Variants in SERPINB5 observed in about 807,000 individuals in gnomAD.
The protein encoded by SERPINB5 is serpin family B member 5, also known as serpin B5.
A neutral mutation model predicts 32.2 loss-of-function variants in SERPINB5; 27 were observed. That is an observed-to-expected ratio of 0.84 (90% CI 0.62 to 1.16). SERPINB5 has a LOEUF of 1.16. SERPINB5 is among the 50% of genes most tolerant of loss of function. The pLI, the probability that SERPINB5 is intolerant of heterozygous loss-of-function variation, is 0.00. For synonymous variants in SERPINB5, 154 were observed against 157.4 expected, an observed-to-expected ratio of 0.98 and a Z score of 0.16; for missense variants, 388 against 436.3, an observed-to-expected ratio of 0.89 and a Z score of 0.99.
At chr18:63,484,692 C>T in intron 2 of SERPINB5, 96 bp downstream of exon 2, 1 of 1,062,662 alleles carries the variant, frequency 9.4e-7, no homozygotes, top group Non-Finnish European at 1.3e-6. Context: ...GACTTTGTGG[C>T]CAGAATTGGT....
intron 1 of SERPINB5, among the ~76,000 whole-genome samples, chr18:63,477,798 A>G (rs938045617): frequency 6.6e-6 from 1 of 152,188 alleles, no homozygotes; most frequent in African/African-American, 2.4e-5. Flanking sequence ...AGGCTATTCC[A>G]GAGACTTGTA....
At chr18:63,493,278 C>G (rs1191449519) in intron 5 of SERPINB5, 183 bp downstream of exon 5, 1 of 715,502 alleles carries the variant, frequency 1.4e-6, no homozygotes, top group Non-Finnish European at 2.4e-6. Flanking sequence ...CAGAGGCCCC[C>G]CCTCCTCTTT....
chr18:63,488,080 A>C (rs891344417), intron 3 of SERPINB5, among the ~76,000 whole-genome samples: 2 of 152,050 alleles, frequency 1.3e-5, no homozygotes, highest in Admixed American at 6.6e-5. Context: ...AAGCTCCCTA[A>C]ATGATCATTA....
At chr18:63,496,889 A>G (rs187851889) in intron 5 of SERPINB5, 2 of 317,174 alleles carry the variant, frequency 6.3e-6, no homozygotes, top group Admixed American at 4.2e-5. Context: ...AGGCCTGGGC[A>G]GTGCTTGGAC....
intron 1 of SERPINB5, among the ~76,000 whole-genome samples, chr18:63,479,444 C>T (rs1249493254): frequency 6.6e-6 from 1 of 152,182 alleles, no homozygotes; most frequent in East Asian, 1.9e-4. Flanking sequence ...CCAGTACATG[C>T]GTCTCCATTC....
In SERPINB5 at chr18:63,492,991, G is replaced by T; in HGVS notation, c.463G>T (p.Asp155Tyr). The change falls in exon 5 of 7, where the codon GAC becomes TAC. Residue 155 changes from aspartate (D) to tyrosine (Y), a missense_variant. Coordinates refer to ENST00000382771, the MANE Select transcript of SERPINB5 (RefSeq NM_002639.5). Reference protein sequence around the residue: ...ENILADNSVNDQTKILVVNAA... With the variant: ...ENILADNSVNYQTKILVVNAA... ...CATTTTAGCTGACAACAGTGTGAAC[G>T]ACCAGACCAAAATCCTTGTGGTTAA... is the stretch of plus-strand genomic sequence containing the variant. 1 of 1,614,092 alleles carries T rather than the reference G, an allele frequency of 6.2e-7. No individual in the cohort carries two copies. The highest frequency in any genetic ancestry group is 8.5e-7 in the Non-Finnish European group (1 of 1,179,996).
intron 6 of SERPINB5, among the ~76,000 whole-genome samples, chr18:63,502,703 G>C (rs118070751): frequency 8.2e-4 from 124 of 152,120 alleles, no homozygotes; most frequent in Non-Finnish European, 1.1e-3. Context: ...CATGATCCAG[G>C]CATTTGTTTC....
intron 1 of SERPINB5, among the ~76,000 whole-genome samples, chr18:63,478,681 A>C (rs1917074672): frequency 6.6e-6 from 1 of 151,888 alleles, no homozygotes; most frequent in Admixed American, 6.6e-5. Flanking sequence ...GATGTTTTTC[A>C]CCATGTCTTT....
At chr18:63,502,055 C>A (rs1455453140) in intron 6 of SERPINB5, among the ~76,000 whole-genome samples, 1 of 151,950 alleles carries the variant, frequency 6.6e-6, no homozygotes, top group Non-Finnish European at 1.5e-5. Flanking sequence ...TTAATTAGAT[C>A]CCATTTGTCA....
chr18:63,490,162 A>G (rs1007709652), intron 4 of SERPINB5, among the ~76,000 whole-genome samples: 5 of 152,142 alleles, frequency 3.3e-5, no homozygotes, highest in Non-Finnish European at 5.9e-5. Context: ...ACTGCACTCC[A>G]GCCTGGGCGA....
chr18:63,491,393 A>T (rs1909331294), intron 4 of SERPINB5, among the ~76,000 whole-genome samples: 1 of 141,472 alleles, frequency 7.1e-6, no homozygotes, highest in Non-Finnish European at 1.5e-5. Context: ...GAAGAGAGAA[A>T]CTGCGTCTCC....
chr18:63,496,387 A>G (rs181899669), intron 5 of SERPINB5, among the ~76,000 whole-genome samples: 6 of 152,348 alleles, frequency 3.9e-5, no homozygotes, highest in Non-Finnish European at 8.8e-5. Flanking sequence ...GTTTTTGGTT[A>G]CACATAGAGT....
intron 6 of SERPINB5, among the ~76,000 whole-genome samples, chr18:63,500,719 G>A (rs954582012): frequency 6.6e-6 from 1 of 152,094 alleles, no homozygotes; most frequent in African/African-American, 2.4e-5. Flanking sequence ...GAAGGAAGAA[G>A]GGGCTCTTTG....
chr18:63,499,996 A>G (rs1351036769), intron 6 of SERPINB5, among the ~76,000 whole-genome samples: 1 of 99,908 alleles, frequency 1.0e-5, no homozygotes, highest in Admixed American at 1.0e-4. Flanking sequence ...CTGACATATT[A>G]CTATTATTAT....
Position 63,499,207 on chromosome 18 carries a change from C to T in SERPINB5, c.655C>T (p.Leu219Phe). Residue 219 changes from leucine (L) to phenylalanine (F), a missense_variant, in exon 6 of 7, where the codon CTT (leucine) becomes TTT (phenylalanine). Leu to Phe is a conservative substitution (Grantham distance 22). Transcript: ENST00000382771. ...CAGTATCAATTGTAAGATCATAGAG[C>T]TTCCTTTTCAAAATAAGCATCTCAG... ...IDSINCKIIELPFQNKHLSMF... is the reference protein window; with the variant it reads ...IDSINCKIIEFPFQNKHLSMF... The T allele has an allele frequency of 6.2e-7, 1 of 1,601,250 alleles. No homozygotes were observed. Among genetic ancestry groups the T allele is most frequent in the South Asian group, 1.1e-5 (1 of 88,926 alleles).
At chr18:63,478,917 G>C (rs746746374) in intron 1 of SERPINB5, among the ~76,000 whole-genome samples, 1 of 151,956 alleles carries the variant, frequency 6.6e-6, no homozygotes, top group Non-Finnish European at 1.5e-5. Context: ...GTGCCACCAC[G>C]CCCGGCTAAT....
chr18:63,494,498 C>G (rs1372648762), intron 5 of SERPINB5, among the ~76,000 whole-genome samples: 1 of 152,118 alleles, frequency 6.6e-6, no homozygotes, highest in Non-Finnish European at 1.5e-5. Context: ...AGCAGCACTT[C>G]AGTTAGTACA....
chr18:63,503,652 C>A lies in SERPINB5; in HGVS notation c.1058C>A (p.Pro353His), dbSNP rs1265283437. 6 of 1,614,016 alleles carry A rather than the reference C, an allele frequency of 3.7e-6. No homozygotes were observed. Among genetic ancestry groups the A allele is most frequent in the Admixed American group, 1.7e-5 (1 of 60,008 alleles). The change falls in exon 7 of 7, where the codon CCC (proline) becomes CAC (histidine). Residue 353 changes from proline to histidine, a missense_variant. By Grantham distance (77) the Pro-to-His change is moderately conservative. Transcript: ENST00000382771. ...QHKDELNADH[P>H]FIYIIRHNKT... ...AAGGATGAATTGAATGCTGACCATCCCTTTATTTACATCATCAGGCACAAC... is the reference window on the plus strand; with the variant it reads ...AAGGATGAATTGAATGCTGACCATCACTTTATTTACATCATCAGGCACAAC...
chr18:63,495,972 G>A (rs1599392533), intron 5 of SERPINB5, among the ~76,000 whole-genome samples: 2 of 152,044 alleles, frequency 1.3e-5, no homozygotes, highest in Admixed American at 6.6e-5. Flanking sequence ...TGGTGTCTCC[G>A]GTAAGGGTTA....
Sources: allele counts gnomAD v4.1 joint callset (sites outside exome capture counted in the v4.1 genomes callset), GRCh38; gene constraint gnomAD v4.1.1; transcripts MANE v1.5; gene names NCBI Gene and HGNC (gene_info 2026-07-23, HGNC 2026-07-21).